The following BAZ2B variants were observed in gnomAD, a reference collection of about 807,000 sequenced individuals.
BAZ2B encodes bromodomain adjacent to zinc finger domain protein 2B.
A neutral mutation model predicts 246.0 loss-of-function variants in BAZ2B; 91 were observed. That is an observed-to-expected ratio of 0.37 (90% CI 0.31 to 0.44). The LOEUF is 0.44. BAZ2B is among the 20% of genes least tolerant of loss of function. BAZ2B has a pLI of 1.00. For synonymous variants in BAZ2B, 855 were observed against 860.0 expected, an observed-to-expected ratio of 0.99 and a Z score of 0.10; for missense variants, 2,332 against 2,533.7, an observed-to-expected ratio of 0.92 and a Z score of 1.71.
chr2:159,536,282 AAAC>A (rs1456886621), intron 2 of BAZ2B: 1 of 152,188 alleles, frequency 6.6e-6, no homozygotes, highest in Non-Finnish European at 1.5e-5. Flanking sequence ...GTGGAGAAAA[AAAC>A]AAAGAAATCT....
intron 24 of BAZ2B, 73 bp downstream of exon 24, chr2:159,383,533 G>T: frequency 1.6e-6 from 2 of 1,231,030 alleles, no homozygotes; most frequent in Non-Finnish European, 2.3e-6. Flanking sequence ...TTCTATCTTT[G>T]CAATTCATAT....
chr2:159,711,718 T>C, the BAZ2B span, among the ~76,000 whole-genome samples: 7 of 152,336 alleles, frequency 4.6e-5, no homozygotes, highest in East Asian at 1.3e-3. Flanking sequence ...TTTTATTTAT[T>C]AGTACTCATT....
intron 2 of BAZ2B, chr2:159,516,523 C>T (rs1045394813): frequency 1.3e-5 from 2 of 152,388 alleles, no homozygotes; most frequent in African/African-American, 4.8e-5. Flanking sequence ...ATCTACCTAA[C>T]ACAACCTCTC....
the BAZ2B span, among the ~76,000 whole-genome samples, chr2:159,653,873 C>T: frequency 6.6e-6 from 1 of 152,062 alleles, no homozygotes; most frequent in African/African-American, 2.4e-5. Context: ...CTATAGAATA[C>T]TAATTTAACC....
intron 27 of BAZ2B, among the ~76,000 whole-genome samples, chr2:159,370,378 C>CTTTTTTTTT (rs55760591): frequency 1.1e-5 from 1 of 92,258 alleles, no homozygotes; most frequent in Admixed American, 1.2e-4. Flanking sequence ...ACTGTACTAC[C>CTTTTTTTTT]TTTTTTTTTT....
the BAZ2B span, among the ~76,000 whole-genome samples, chr2:159,651,339 G>C: frequency 6.6e-6 from 1 of 152,236 alleles, no homozygotes; most frequent in South Asian, 2.1e-4. Context: ...CTTTTTCAAG[G>C]ACCAGAACTG....
intron 3 of BAZ2B, among the ~76,000 whole-genome samples, chr2:159,455,769 T>TG (rs1196898631): frequency 1.5e-4 from 22 of 143,842 alleles, no homozygotes; most frequent in African/African-American, 5.5e-4. Flanking sequence ...TGTGGTTTTT[T>TG]TTTTTTTTTT....
intron 2 of BAZ2B, among the ~76,000 whole-genome samples, chr2:159,542,426 A>G (rs972202660): frequency 2.0e-5 from 3 of 152,196 alleles, no homozygotes; most frequent in African/African-American, 7.2e-5. Context: ...AAAATCTTGA[A>G]GGCAGCAAGA....
the BAZ2B span, chr2:159,712,392 C>G: frequency 6.6e-6 from 1 of 152,614 alleles, no homozygotes; most frequent in South Asian, 2.1e-4. Flanking sequence ...GGTGGGGTAC[C>G]TCCAGCCCGC....
chr2:159,569,278 C>A (rs1454569431), intron 1 of BAZ2B, among the ~76,000 whole-genome samples: 2 of 152,026 alleles, frequency 1.3e-5, no homozygotes, highest in Non-Finnish European at 2.9e-5. Context: ...CCCACAGTCT[C>A]TGAAAAAATT....
intron 2 of BAZ2B, among the ~76,000 whole-genome samples, chr2:159,552,559 A>G (rs1370971204): frequency 6.6e-6 from 1 of 152,224 alleles, no homozygotes; most frequent in Non-Finnish European, 1.5e-5. Flanking sequence ...CTGACTTGCT[A>G]GAAGTCACAT....
At chr2:159,395,443 C>T (rs1043652980) in intron 20 of BAZ2B, 1 of 170,588 alleles carries the variant, frequency 5.9e-6, no homozygotes, top group Non-Finnish European at 1.2e-5. Flanking sequence ...TTAGGACATA[C>T]AGGATTTGTC....
rs183511736 is a variant in BAZ2B at position 159,405,658 on chromosome 2, A to G, written c.2678-544T>C. ...AAATTATTTCATCAAATATGATCCC[A>G]TATCTAGGACTACATAAAAATGAGG... is the stretch of plus-strand genomic sequence containing the variant. On this transcript the variant is annotated intron_variant, in intron 14 of 36. Coordinates refer to ENST00000392783, the MANE Select transcript of BAZ2B (RefSeq NM_013450.4). 1.4e-3 allele frequency among the ~76,000 whole-genome samples: 217 copies of G among 152,356 alleles called. 1 individual carries two copies. The highest frequency in any genetic ancestry group is 5.2e-3 in the African/African-American group (215 of 41,588).
intron 1 of BAZ2B, among the ~76,000 whole-genome samples, chr2:159,582,083 A>T (rs1686949862): frequency 6.6e-6 from 1 of 152,186 alleles, no homozygotes; most frequent in African/African-American, 2.4e-5. Flanking sequence ...ATGCTTACAC[A>T]TCACTGTATA....
intron 35 of BAZ2B, 149 bp downstream of exon 35, chr2:159,325,504 C>G (rs1352430248): frequency 3.5e-6 from 3 of 845,728 alleles, no homozygotes; most frequent in Middle Eastern, 3.7e-4. Context: ...ATTTACTATA[C>G]TTTTACTTAT....
chr2:159,501,999 A>G (rs2081896083), intron 2 of BAZ2B, among the ~76,000 whole-genome samples: 2 of 152,246 alleles, frequency 1.3e-5, no homozygotes, highest in African/African-American at 4.8e-5. Context: ...ATAAAAAGGA[A>G]TAAAGTGATA....
intron 1 of BAZ2B, among the ~76,000 whole-genome samples, chr2:159,610,510 GA>G (rs1429889263): frequency 1.3e-5 from 2 of 152,084 alleles, no homozygotes; most frequent in Admixed American, 1.3e-4. Flanking sequence ...GAGAAAACAG[GA>G]AAAAACACCC....
chr2:159,529,078 G>A (rs890384532), intron 2 of BAZ2B, among the ~76,000 whole-genome samples: 7 of 151,774 alleles, frequency 4.6e-5, no homozygotes, highest in African/African-American at 1.7e-4. Context: ...AAACCTGCAC[G>A]TTGTGCACAT....
chr2:159,591,885 T>G (rs535408802), intron 1 of BAZ2B, among the ~76,000 whole-genome samples: 2 of 152,338 alleles, frequency 1.3e-5, no homozygotes, highest in Non-Finnish European at 2.9e-5. Context: ...AACATGGCCC[T>G]TTAAGCTAAG....
Sources: allele counts gnomAD v4.1 joint callset (sites outside exome capture counted in the v4.1 genomes callset), GRCh38; gene constraint gnomAD v4.1.1; transcripts MANE v1.5; gene names NCBI Gene and HGNC (gene_info 2026-07-23, HGNC 2026-07-21).